The following PACRG variants were observed in gnomAD, a reference collection of about 807,000 sequenced individuals.
PACRG encodes parkin coregulated.
In PACRG, 29 loss-of-function variants were observed where a neutral mutation model predicts 29.7. That is an observed-to-expected ratio of 0.98 (90% CI 0.73 to 1.33). The LOEUF (loss-of-function observed/expected upper bound fraction) is 1.33, where lower values mean the gene tolerates loss of function less well. Ranked by LOEUF, PACRG falls within the 40% of genes most tolerant of loss-of-function variation. PACRG has a pLI of 0.00. For missense variants in PACRG, 279 were observed against 316.2 expected, an observed-to-expected ratio of 0.88 and a Z score of 0.89; for synonymous variants, 116 against 118.7, an observed-to-expected ratio of 0.98 and a Z score of 0.15.
intron 2 of PACRG, among the ~76,000 whole-genome samples, chr6:162,901,917 T>A (rs1795587453): frequency 1.3e-5 from 2 of 152,236 alleles, no homozygotes; most frequent in African/African-American, 4.8e-5. Flanking sequence ...TCCAAGGTCA[T>A]TACTTGGTGA....
intron 2 of PACRG, among the ~76,000 whole-genome samples, chr6:162,962,376 C>T (rs1424645113): frequency 6.6e-6 from 1 of 152,162 alleles, no homozygotes; most frequent in Non-Finnish European, 1.5e-5. Context: ...GTTGTTGACT[C>T]CACTGTTTCC....
intron 4 of PACRG, among the ~76,000 whole-genome samples, chr6:163,298,245 T>C (rs1357605571): frequency 6.8e-6 from 1 of 147,460 alleles, no homozygotes; most frequent in Non-Finnish European, 1.5e-5. Context: ...AACAAATCAC[T>C]CTCACAAAGG....
At chr6:163,165,585 A>G (rs118080507) in intron 4 of PACRG, 2,890 of 156,618 alleles carry the variant, frequency 0.018, 45 homozygotes, top group Non-Finnish European at 0.029. Context: ...AATGGCCACA[A>G]ACCTCCATCC....
intron 4 of PACRG, among the ~76,000 whole-genome samples, chr6:163,096,128 G>C (rs1396798545): frequency 1.3e-5 from 2 of 152,174 alleles, no homozygotes; most frequent in African/African-American, 4.8e-5. Context: ...GATAAGTTTT[G>C]AGTAGGGGAG....
chr6:162,810,107 T>A (rs962433389), intron 1 of PACRG, among the ~76,000 whole-genome samples: 3 of 152,100 alleles, frequency 2.0e-5, no homozygotes, highest in African/African-American at 7.2e-5. Context: ...CTCCTGCCCC[T>A]TCCAGCCAGG....
intron 4 of PACRG, among the ~76,000 whole-genome samples, chr6:163,090,520 C>T (rs780164093): frequency 3.9e-5 from 6 of 152,176 alleles, no homozygotes; most frequent in South Asian, 4.1e-4. Context: ...TTAGTCTTTA[C>T]GCAAAGTAAT....
chr6:162,941,362 G>A (rs954800833), intron 2 of PACRG, among the ~76,000 whole-genome samples: 1 of 152,128 alleles, frequency 6.6e-6, no homozygotes, highest in Non-Finnish European at 1.5e-5. Context: ...CCTTCCACGT[G>A]TGCCACATGC....
intron 2 of PACRG, among the ~76,000 whole-genome samples, chr6:162,866,775 A>G (rs1431919800): frequency 2.6e-5 from 4 of 152,234 alleles, no homozygotes; most frequent in African/African-American, 9.6e-5. Context: ...AGAGAATTCT[A>G]TCAGAGTAAT....
At chr6:162,752,009 T>A (rs1359942226) in intron 1 of PACRG, among the ~76,000 whole-genome samples, 1 of 152,200 alleles carries the variant, frequency 6.6e-6, no homozygotes, top group African/African-American at 2.4e-5. Context: ...TTATTCATAC[T>A]TACATGGCAC....
Position 163,289,192 on chromosome 6 carries a change from C to T in PACRG, c.614-25635C>T, listed in dbSNP as rs146100302. Among the ~76,000 whole-genome samples the T allele has an allele frequency of 2.3e-3, 354 of 152,302 alleles. 1 individual carries two copies. Among genetic ancestry groups the T allele is most frequent in the African/African-American group, 8.2e-3 (342 of 41,572 alleles). On this transcript the variant is annotated intron_variant, in intron 4 of 4. Transcript: ENST00000366888. ...TTGGCCGTGGACCGACTGAACCCTG[C>T]GCCAGTTCCCATGTGTCAGGACTCG... is the stretch of plus-strand genomic sequence containing the variant.
intron 1 of PACRG, among the ~76,000 whole-genome samples, chr6:162,797,925 C>A (rs1300813848): frequency 1.3e-5 from 2 of 149,872 alleles, no homozygotes; most frequent in African/African-American, 2.4e-5. Flanking sequence ...TGTCATAATT[C>A]TTGGTCTCCT....
chr6:163,285,288 C>T (rs1784360303), intron 4 of PACRG, among the ~76,000 whole-genome samples: 1 of 152,086 alleles, frequency 6.6e-6, no homozygotes, highest in African/African-American at 2.4e-5. Context: ...GCCTGTGATC[C>T]TTTACGCCCC....
intron 3 of PACRG, among the ~76,000 whole-genome samples, chr6:163,086,249 A>G (rs926227084): frequency 7.2e-5 from 11 of 152,214 alleles, no homozygotes; most frequent in African/African-American, 2.7e-4. Context: ...TAGATCAGAT[A>G]AGACCAGATA....
intron 1 of PACRG, among the ~76,000 whole-genome samples, chr6:162,758,196 A>AT (rs911810086): frequency 1.3e-5 from 2 of 152,120 alleles, no homozygotes; most frequent in Non-Finnish European, 2.9e-5. Flanking sequence ...GCCGTGTAAG[A>AT]TTTTACATGT....
At chr6:162,957,365 GT>G (rs1311206263) in intron 2 of PACRG, 32 of 618,136 alleles carry the variant, frequency 5.2e-5, no homozygotes, top group East Asian at 1.0e-4. Flanking sequence ...CTGCTGACAT[GT>G]TTTTTTGTTT....
chr6:162,854,876 G>A (rs1033164706), intron 2 of PACRG, among the ~76,000 whole-genome samples: 1 of 152,224 alleles, frequency 6.6e-6, no homozygotes, highest in Non-Finnish European at 1.5e-5. Context: ...ATTTCACATG[G>A]GTAGTCCCTT....
chr6:162,727,498 G>A (rs1490131981), upstream of PACRG, among the ~76,000 whole-genome samples: 3 of 152,090 alleles, frequency 2.0e-5, no homozygotes, highest in African/African-American at 7.2e-5. Flanking sequence ...GACCCGCGTC[G>A]CTGAGCTGGG....
intron 2 of PACRG, among the ~76,000 whole-genome samples, chr6:162,842,743 C>T (rs1327133622): frequency 7.8e-6 from 1 of 128,584 alleles, no homozygotes; most frequent in African/African-American, 3.4e-5. Flanking sequence ...ACCAGTTGTT[C>T]CTTTCCATGT....
chr6:162,980,211 G>T (rs1802294408), intron 2 of PACRG, among the ~76,000 whole-genome samples: 1 of 151,628 alleles, frequency 6.6e-6, no homozygotes, highest in East Asian at 1.9e-4. Context: ...CATTTTCAGT[G>T]TAATAATTAC....
Sources: gnomAD v4.1 joint callset for allele counts (sites outside exome capture counted in the v4.1 genomes callset) on GRCh38, gnomAD v4.1.1 for gene constraint, MANE v1.5 for transcripts, NCBI Gene and HGNC (gene_info 2026-07-23, HGNC 2026-07-21) for gene names.